The following FAM133B variants were observed in gnomAD, a reference collection of about 807,000 sequenced individuals.
The protein encoded by FAM133B is family with sequence similarity 133 member B.
FAM133B carries 25 observed loss-of-function variants against 46.4 expected under a neutral mutation model. That is an observed-to-expected ratio of 0.54 (90% CI 0.39 to 0.75). FAM133B has a LOEUF of 0.75. Among genes scored for constraint, FAM133B ranks in the 30% least tolerant of loss-of-function variants. The pLI, the probability that FAM133B is intolerant of heterozygous loss-of-function variation, is 0.00. For synonymous variants in FAM133B, 75 were observed against 86.0 expected, an observed-to-expected ratio of 0.87 and a Z score of 0.71; for missense variants, 205 against 277.6, an observed-to-expected ratio of 0.74 and a Z score of 1.86.
Position 92,590,183 on chromosome 7 carries a change from C to T in FAM133B, c.24+85G>A. ...CGTCTGAGGGCTGCCGCTTGCCCTC[C>T]GGCCCGGCCGGGAACAGCGAGGGTT... On this transcript the variant is annotated intron_variant, in intron 1 of 10. Transcript: ENST00000445716. 3 of 1,606,320 alleles carry T rather than the reference C, an allele frequency of 1.9e-6. No homozygotes were observed. The Admixed American group carries it at 5.0e-5, about 27-fold the overall frequency.
rs1364534735 is a variant in FAM133B at position 92,578,329 on chromosome 7, T to C, written c.266A>G (p.Lys89Arg). The C allele has an allele frequency of 1.9e-6, 3 of 1,613,542 alleles. No homozygotes were observed. Among genetic ancestry groups the C allele is most frequent in the South Asian group, 2.2e-5 (2 of 91,024 alleles). The change falls in exon 4 of 11, where the codon AAA becomes AGA. Residue 89 changes from lysine (K) to arginine (R), a missense_variant. Transcript: ENST00000445716. ...TAAAAGTGGTATTACCTGTCTTTTT[T>C]TGGATGAGCTCTCACTTCCACTTAA... ...KLLSGSESSS[K>R]KRQRKKKEKK...
chr7:92,564,379 G>C (rs936420784), intron 10 of FAM133B, among the ~76,000 whole-genome samples: 12 of 152,148 alleles, frequency 7.9e-5, no homozygotes, highest in Admixed American at 7.9e-4. Flanking sequence ...TTAGAAAAGT[G>C]CCTGCATAGA....
chr7:92,562,977 C>T (rs144015708), intron 10 of FAM133B, among the ~76,000 whole-genome samples: 2 of 152,084 alleles, frequency 1.3e-5, no homozygotes, highest in Non-Finnish European at 2.9e-5. Flanking sequence ...GCCACTAATG[C>T]CCGGTAGAAG....
chr7:92,581,752 T>A (rs1794878958), intron 1 of FAM133B, 149 bp from the exon 2 acceptor site: 1 of 606,448 alleles, frequency 1.6e-6, no homozygotes, highest in East Asian at 3.0e-5. Flanking sequence ...TCTAAAAAAA[T>A]TAATTTAATC....
intron 1 of FAM133B, among the ~76,000 whole-genome samples, chr7:92,587,648 C>T (rs1168616516): frequency 6.6e-6 from 1 of 152,126 alleles, no homozygotes; most frequent in Non-Finnish European, 1.5e-5. Context: ...GTGAGAGCAT[C>T]CCTTGAGCCT....
At chr7:92,588,834 G>A (rs900891517) in intron 1 of FAM133B, among the ~76,000 whole-genome samples, 1 of 152,106 alleles carries the variant, frequency 6.6e-6, no homozygotes, top group African/African-American at 2.4e-5. Context: ...TCTTGGTCCC[G>A]CTCCTGCCAT....
chr7:92,563,380 G>C lies in FAM133B; in HGVS notation c.658-1012C>G, dbSNP rs573300035. Among the ~76,000 whole-genome samples, 6 of 152,236 alleles carry C rather than the reference G, an allele frequency of 3.9e-5. No homozygotes were observed. In the South Asian group the frequency reaches 1.2e-3, roughly 32 times the overall value. ...TAAAACTAAGTTTTGGGTATAGGTT[G>C]CTTTTTCATAAAAGGACAGCTGAGC... On this transcript the variant is annotated intron_variant, in intron 10 of 10. Coordinates refer to ENST00000445716, the MANE Select transcript of FAM133B (RefSeq NM_152789.4).
chr7:92,588,155 T>A (rs1428715854), intron 1 of FAM133B, among the ~76,000 whole-genome samples: 1 of 152,176 alleles, frequency 6.6e-6, no homozygotes, highest in Non-Finnish European at 1.5e-5. Flanking sequence ...ATCTTTGAAG[T>A]GCACACAAAA....
intron 9 of FAM133B, chr7:92,569,584 C>T (rs1562890246): frequency 4.0e-6 from 1 of 251,366 alleles, no homozygotes. Context: ...TATTAGAAGA[C>T]TAAAAATATC....
intron 2 of FAM133B, among the ~76,000 whole-genome samples, chr7:92,580,522 C>A (rs186463419): frequency 6.6e-6 from 1 of 152,216 alleles, no homozygotes; most frequent in Non-Finnish European, 1.5e-5. Flanking sequence ...CAACTCCTTA[C>A]TAAGGGCATT....
intron 1 of FAM133B, among the ~76,000 whole-genome samples, chr7:92,584,776 T>C (rs1585316499): frequency 1.3e-5 from 2 of 152,224 alleles, no homozygotes; most frequent in South Asian, 4.1e-4. Flanking sequence ...GCAAGTACCA[T>C]GTGCAGCTTA....
At chr7:92,565,665 G>T in intron 10 of FAM133B, 1 of 192,918 alleles carries the variant, frequency 5.2e-6, no homozygotes, top group South Asian at 1.2e-4. Context: ...GGGTTTCACC[G>T]TGTTAGCCAG....
chr7:92,578,091 T>G, intron 5 of FAM133B, 59 bp downstream of exon 5: 1 of 1,447,094 alleles, frequency 6.9e-7, no homozygotes, highest in Non-Finnish European at 9.6e-7. Context: ...CAAATTATTC[T>G]TACTTTTTTT....
At chr7:92,579,049 C>A in intron 3 of FAM133B, 2 of 315,898 alleles carry the variant, frequency 6.3e-6, no homozygotes, top group Non-Finnish European at 1.2e-5. Flanking sequence ...TTAAAGCATG[C>A]ACGTAAATAC....
intron 8 of FAM133B, among the ~76,000 whole-genome samples, chr7:92,570,325 T>C (rs1205474435): frequency 6.6e-6 from 1 of 152,106 alleles, no homozygotes; most frequent in Non-Finnish European, 1.5e-5. Context: ...AGAATCTCTA[T>C]GTAGTAATTC....
At chr7:92,589,585 A>C (rs74927662) in intron 1 of FAM133B, among the ~76,000 whole-genome samples, 5,450 of 152,266 alleles carry the variant, frequency 0.036, 116 homozygotes, top group Middle Eastern at 0.12. Flanking sequence ...AACTTGTTCT[A>C]GGTCACCCAA....
rs115161857 is a variant in FAM133B, at chr7:92,583,069, C to T, written c.25-1466G>A. On this transcript the variant is annotated intron_variant, in intron 1 of 10. Transcript: ENST00000445716. The stretch of plus-strand genomic sequence containing the variant: ...ATTCACAAAAGCTGAAATGTGGAAA[C>T]AACGCAAATGTCCATCTATGGATAA... 7.2e-3 allele frequency among the ~76,000 whole-genome samples: 1,091 copies of T among 152,254 alleles called. 15 individuals are homozygous for T. The highest frequency in any genetic ancestry group is 0.025 in the African/African-American group (1,043 of 41,524).
At chr7:92,563,020 G>A (rs1398069644) in intron 10 of FAM133B, among the ~76,000 whole-genome samples, 2 of 152,170 alleles carry the variant, frequency 1.3e-5, no homozygotes, top group African/African-American at 4.8e-5. Flanking sequence ...AAGGGAGCTG[G>A]AGTTTTGCTG....
At chr7:92,588,599 A>G (rs1296256268) in intron 1 of FAM133B, among the ~76,000 whole-genome samples, 1 of 152,220 alleles carries the variant, frequency 6.6e-6, no homozygotes, top group South Asian at 2.1e-4. Flanking sequence ...ACAGAACTAC[A>G]AAGTTTTTAA....
Sources: allele counts gnomAD v4.1 joint callset (sites outside exome capture counted in the v4.1 genomes callset), GRCh38; gene constraint gnomAD v4.1.1; transcripts MANE v1.5; gene names NCBI Gene and HGNC (gene_info 2026-07-23, HGNC 2026-07-21).